PDE1A: variants seen among roughly 807,000 people sequenced by gnomAD.
PDE1A encodes dual specificity calcium/calmodulin-dependent 3',5'-cyclic nucleotide phosphodiesterase 1A.
PDE1A carries 35 observed loss-of-function variants against 61.7 expected under a neutral mutation model. That is an observed-to-expected ratio of 0.57 (90% confidence interval 0.43 to 0.75). The LOEUF is 0.75. PDE1A is among the 30% of genes least tolerant of loss of function. The probability of loss-of-function intolerance (pLI) is 0.00; values close to 1 mark genes in which losing one functional copy is unlikely to be tolerated. For missense variants in PDE1A, 597 were observed against 630.6 expected, an observed-to-expected ratio of 0.95 and a Z score of 0.57; for synonymous variants, 232 against 213.2, an observed-to-expected ratio of 1.09 and a Z score of -0.77.
chr2:182,308,213 C>T (rs2125937158), intron 1 of PDE1A, among the ~76,000 whole-genome samples: 1 of 152,150 alleles, frequency 6.6e-6, no homozygotes, highest in East Asian at 1.9e-4. Context: ...AAATACCACA[C>T]ATAACATATA....
chr2:182,381,480 G>A (rs999763914), intron 1 of PDE1A, among the ~76,000 whole-genome samples: 1 of 152,160 alleles, frequency 6.6e-6, no homozygotes, highest in African/African-American at 2.4e-5. Context: ...ATGTATCAGT[G>A]TAATGTCATG....
chr2:182,423,402 C>T (rs1703403483), intron 1 of PDE1A, among the ~76,000 whole-genome samples: 2 of 152,106 alleles, frequency 1.3e-5, no homozygotes, highest in East Asian at 1.9e-4. Flanking sequence ...CGTAAGATTC[C>T]TCCCAAGCCT....
intron 7 of PDE1A, among the ~76,000 whole-genome samples, chr2:182,210,004 C>T (rs1687448775): frequency 6.6e-6 from 1 of 152,124 alleles, no homozygotes; most frequent in South Asian, 2.1e-4. Context: ...CTCAAGTTTT[C>T]TTGTCTGCAT....
chr2:182,408,623 C>T (rs373013079), intron 1 of PDE1A, among the ~76,000 whole-genome samples: 2 of 152,098 alleles, frequency 1.3e-5, no homozygotes, highest in East Asian at 3.9e-4. Context: ...CCTAAAAGAT[C>T]GTGTTAAATT....
chr2:182,639,123 C>T, the PDE1A span, among the ~76,000 whole-genome samples: 1 of 152,264 alleles, frequency 6.6e-6, no homozygotes, highest in East Asian at 1.9e-4. Flanking sequence ...TTGGATTAAA[C>T]ATTTTTCCAT....
At chr2:182,247,290 C>T (rs1691046198) in intron 2 of PDE1A, among the ~76,000 whole-genome samples, 1 of 152,012 alleles carries the variant, frequency 6.6e-6, no homozygotes. Context: ...ATGCCTTTAG[C>T]CAAGAAACTC....
chr2:182,227,789 T>G (rs972877082), intron 6 of PDE1A, among the ~76,000 whole-genome samples: 3 of 152,008 alleles, frequency 2.0e-5, no homozygotes, highest in Non-Finnish European at 4.4e-5. Context: ...CCAAACAGTA[T>G]CATATTGGAA....
chr2:182,234,965 A>T (rs181677421), intron 3 of PDE1A, among the ~76,000 whole-genome samples: 28 of 152,320 alleles, frequency 1.8e-4, no homozygotes, highest in Admixed American at 1.8e-3. Context: ...ATCAGAATTT[A>T]CATAGGTCCC....
At chr2:182,701,680 G>C in the PDE1A span, among the ~76,000 whole-genome samples, 1 of 151,966 alleles carries the variant, frequency 6.6e-6, no homozygotes, top group Non-Finnish European at 1.5e-5. Context: ...GGGCTGGCTT[G>C]CTTAACTTTT....
chr2:182,247,580 GTC>G (rs1691069102), intron 2 of PDE1A, among the ~76,000 whole-genome samples: 2 of 151,970 alleles, frequency 1.3e-5, no homozygotes, highest in South Asian at 4.2e-4. Flanking sequence ...TGTACTCTGT[GTC>G]TTCTTCCGTC....
At chr2:182,690,303 C>T in the PDE1A span, among the ~76,000 whole-genome samples, 1 of 152,126 alleles carries the variant, frequency 6.6e-6, no homozygotes. Flanking sequence ...AAATGGAATC[C>T]AGCACGACAT....
intron 2 of PDE1A, among the ~76,000 whole-genome samples, chr2:182,257,861 T>C (rs1382321981): frequency 2.0e-5 from 3 of 152,166 alleles, no homozygotes; most frequent in African/African-American, 7.2e-5. Flanking sequence ...AGGGCTTAAG[T>C]TGTAGATTTT....
chr2:182,612,568 T>C, the PDE1A span, among the ~76,000 whole-genome samples: 3 of 152,204 alleles, frequency 2.0e-5, no homozygotes, highest in African/African-American at 7.2e-5. Context: ...ACACCTTGTA[T>C]CATAAAGGCC....
intron 1 of PDE1A, among the ~76,000 whole-genome samples, chr2:182,325,743 C>T (rs1696998303): frequency 6.6e-6 from 1 of 152,042 alleles, no homozygotes; most frequent in Non-Finnish European, 1.5e-5. Flanking sequence ...CATGGTGAAA[C>T]CCCGTCTCTA....
intron 1 of PDE1A, among the ~76,000 whole-genome samples, chr2:182,400,735 A>G (rs1701955428): frequency 6.6e-6 from 1 of 152,210 alleles, no homozygotes; most frequent in Non-Finnish European, 1.5e-5. Context: ...TGGGAAAAAT[A>G]TTAGGAAATC....
At chr2:182,509,977 G>C (rs1466284423) in intron 2 of PDE1A, among the ~76,000 whole-genome samples, 3 of 152,070 alleles carry the variant, frequency 2.0e-5, no homozygotes, top group African/African-American at 7.2e-5. Context: ...TTTAGTTAAT[G>C]TTGACCTCAG....
intron 1 of PDE1A, among the ~76,000 whole-genome samples, chr2:182,315,637 C>G (rs1370668922): frequency 6.6e-6 from 1 of 152,148 alleles, no homozygotes; most frequent in East Asian, 1.9e-4. Context: ...CCATGCCCAA[C>G]TTCAAGAACT....
the PDE1A span, among the ~76,000 whole-genome samples, chr2:182,708,581 T>A: frequency 6.6e-6 from 1 of 152,068 alleles, no homozygotes; most frequent in Non-Finnish European, 1.5e-5. Context: ...AGCAAGCACC[T>A]TCTTCAGAAG....
intron 2 of PDE1A, among the ~76,000 whole-genome samples, chr2:182,453,451 G>A (rs139839390): frequency 7.5e-4 from 114 of 151,776 alleles, no homozygotes; most frequent in Non-Finnish European, 1.4e-3. Context: ...AAAAATCTGT[G>A]TGCAGGAAAT....
Sources: gnomAD v4.1 joint callset for allele counts (sites outside exome capture counted in the v4.1 genomes callset) on GRCh38, gnomAD v4.1.1 for gene constraint, MANE v1.5 for transcripts, NCBI Gene and HGNC (gene_info 2026-07-23, HGNC 2026-07-21) for gene names.